Variants in NOS1 observed in about 807,000 individuals in gnomAD.
NOS1 encodes nitric oxide synthase 1.
NOS1 carries 51 observed loss-of-function variants against 164.5 expected under a neutral mutation model. The observed-to-expected ratio is 0.31, with a 90% CI of 0.25 to 0.39. NOS1 has a LOEUF of 0.39. Among genes scored for constraint, NOS1 ranks in the 10% least tolerant of loss-of-function variants. The pLI is 1.00. For synonymous variants in NOS1, 719 were observed against 745.8 expected, an observed-to-expected ratio of 0.96 and a Z score of 0.59; for missense variants, 1,362 against 1,885.6, an observed-to-expected ratio of 0.72 and a Z score of 5.14.
chr12:117,304,392 C>G (rs990910578), intron 3 of NOS1, among the ~76,000 whole-genome samples: 2 of 152,170 alleles, frequency 1.3e-5, no homozygotes, highest in Admixed American at 6.5e-5. Flanking sequence ...TAAACCTTCC[C>G]TGGTATCTAC....
chr12:117,287,730 C>T (rs1426910044), intron 5 of NOS1, among the ~76,000 whole-genome samples: 1 of 152,196 alleles, frequency 6.6e-6, no homozygotes, highest in African/African-American at 2.4e-5. Flanking sequence ...TGAGCCACTG[C>T]ACCTGGTCTC....
chr12:117,259,980 G>A (rs1871756425), intron 14 of NOS1, among the ~76,000 whole-genome samples: 1 of 151,982 alleles, frequency 6.6e-6, no homozygotes, highest in South Asian at 2.1e-4. Flanking sequence ...TTAGCCGAAC[G>A]TGGTGGTGGG....
In NOS1 at chr12:117,211,168, G is replaced by C. The variant is rs1956521443; in HGVS notation, c.*4141C>G. ...GAGTCAGGGTTTCTACTAACTGGCT[G>C]ACTGGTCTCCAACTCCTGACCTCAA... On this transcript the variant is annotated 3_prime_UTR_variant, in exon 29 of 29. Transcript: ENST00000317775. 5.0e-5 allele frequency: 40 copies of C among 803,746 alleles called. No individual in the cohort carries two copies. The highest frequency in any genetic ancestry group is 6.0e-5 in the Non-Finnish European group (40 of 664,248). The allele number at this position is 803,746 out of a possible 1,614,324, so 49.8% of individuals were successfully genotyped here. A position where few individuals can be genotyped will look rare whatever the true frequency, so the allele number is the denominator to read the frequency against.
intron 7 of NOS1, among the ~76,000 whole-genome samples, chr12:117,283,478 T>G (rs566700054): frequency 1.8e-3 from 268 of 152,260 alleles, no homozygotes; most frequent in African/African-American, 6.1e-3. Context: ...CAAAGACCCC[T>G]TAATACAGCA....
rs1357460937 is a variant in NOS1, at chr12:117,218,043, T to G, written c.4289+3A>C. On this transcript the variant is annotated splice_donor_region_variant and intron_variant, in intron 28 of 28. Transcript: ENST00000317775. ...CCCTCACCCAGGGATGGAGCCAGCT[T>G]ACTCATCGGTGTCTTTTTTGCTCTC... is the stretch of plus-strand genomic sequence containing the variant. The G allele has an allele frequency of 1.2e-6, 2 of 1,605,040 alleles. No homozygotes were observed. The highest frequency in any genetic ancestry group is 3.3e-5 in the Admixed American group (2 of 59,994).
Position 117,210,456 on chromosome 12 carries a change from C to T in NOS1, c.*4853G>A, listed in dbSNP as rs1029048369. The T allele has an allele frequency of 1.4e-5, 14 of 985,448 alleles. No homozygotes were observed. Among genetic ancestry groups the T allele is most frequent in the Non-Finnish European group, 1.7e-5 (14 of 829,976 alleles). 61.0% of individuals were successfully genotyped at this position (985,448 alleles called of 1,614,324 possible). A position where few individuals can be genotyped will look rare whatever the true frequency, so the allele number is the denominator to read the frequency against. On this transcript the variant is annotated 3_prime_UTR_variant, in exon 29 of 29. Coordinates refer to ENST00000317775, the MANE Select transcript of NOS1 (RefSeq NM_000620.5). ...GAAGGCTTTGAGGACATGGTGGCCACAGCGGCATGCTGGGTATGTGGGGCA... is the reference window on the plus strand; with the variant it reads ...GAAGGCTTTGAGGACATGGTGGCCATAGCGGCATGCTGGGTATGTGGGGCA...
chr12:117,272,611 G>A lies in NOS1; in HGVS notation c.1665-52C>T. The A allele has an allele frequency of 6.5e-7, 1 of 1,549,642 alleles. No individual in the cohort carries two copies. The stretch of plus-strand genomic sequence containing the variant: ...ACCCGGAGCAGGTGTCTCATGGGCG[G>A]GACAGCTTGAATCTAGAGATGCTGA... On this transcript the variant is annotated intron_variant, in intron 9 of 28. Transcript: ENST00000317775. The surrounding 1 kb of genome is among the most constrained non-coding windows in gnomAD (Gnocchi z 4.3).
intron 2 of NOS1, among the ~76,000 whole-genome samples, chr12:117,312,883 C>A (rs931383613): frequency 6.6e-6 from 1 of 152,084 alleles, no homozygotes; most frequent in African/African-American, 2.4e-5. Flanking sequence ...ATCACCACCA[C>A]CATCACCATC....
intron 1 of NOS1, among the ~76,000 whole-genome samples, chr12:117,334,607 C>T (rs1174815791): frequency 6.6e-6 from 1 of 152,102 alleles, no homozygotes; most frequent in Non-Finnish European, 1.5e-5. Flanking sequence ...GTTGGACAGG[C>T]TGGTCTCGAA....
intron 1 of NOS1, among the ~76,000 whole-genome samples, chr12:117,349,706 T>G (rs1330655953): frequency 6.6e-6 from 1 of 152,184 alleles, no homozygotes; most frequent in Non-Finnish European, 1.5e-5. Flanking sequence ...AGCAAGTACA[T>G]GAAGAACATT....
At chr12:117,227,984 T>A (rs1457660180) in intron 22 of NOS1, among the ~76,000 whole-genome samples, 1 of 151,350 alleles carries the variant, frequency 6.6e-6, no homozygotes, top group African/African-American at 2.4e-5. Flanking sequence ...TGAGCTATGA[T>A]CATGCCACTG....
At chr12:117,360,654 A>T (rs1877095973) in intron 1 of NOS1, among the ~76,000 whole-genome samples, 1 of 152,098 alleles carries the variant, frequency 6.6e-6, no homozygotes, top group South Asian at 2.1e-4. Context: ...CCGGGAGCGG[A>T]GCCCTCCCAG....
At chr12:117,336,333 T>C (rs1341217038) in intron 1 of NOS1, among the ~76,000 whole-genome samples, 1 of 152,176 alleles carries the variant, frequency 6.6e-6, no homozygotes, top group African/African-American at 2.4e-5. Context: ...GCCTATCTAG[T>C]CTAGCTTCCT....
chr12:117,210,461 G>T lies in NOS1; in HGVS notation c.*4848C>A. Reference sequence around the variant, plus strand: ...CTTTGAGGACATGGTGGCCACAGCGGCATGCTGGGTATGTGGGGCAGCGGG... The same window carrying T: ...CTTTGAGGACATGGTGGCCACAGCGTCATGCTGGGTATGTGGGGCAGCGGG... On this transcript the variant is annotated 3_prime_UTR_variant, in exon 29 of 29. Coordinates refer to ENST00000317775, the MANE Select transcript of NOS1 (RefSeq NM_000620.5). 1.0e-6 allele frequency: 1 copy of T among 985,460 alleles called. No homozygotes were observed. Among genetic ancestry groups the T allele is most frequent in the Non-Finnish European group, 1.2e-6 (1 of 829,990 alleles). The allele number at this position is 985,460 out of a possible 1,614,324, so 61.0% of individuals were successfully genotyped here.
rs1870276120 is a variant in NOS1, at chr12:117,242,610, A to T, written c.3041+17T>A. ...GGGAGAAGACGTAGGTAACCCAGTG[A>T]ACCAAGATGTTCCTACCTGGATTTA... On this transcript the variant is annotated intron_variant, in intron 20 of 28. Transcript: ENST00000317775. 1 of 1,610,268 alleles carries T rather than the reference A, an allele frequency of 6.2e-7. No individual in the cohort carries two copies. The highest frequency in any genetic ancestry group is 1.7e-5 in the Admixed American group (1 of 59,998).
chr12:117,300,140 G>A (rs986855280), intron 3 of NOS1, among the ~76,000 whole-genome samples: 11 of 152,292 alleles, frequency 7.2e-5, no homozygotes, highest in African/African-American at 2.2e-4. Context: ...CTGTTGACCT[G>A]TAAGAGCCTC....
chr12:117,226,894 G>A lies in NOS1; in HGVS notation c.3617-124C>T, dbSNP rs185457607. The A allele has an allele frequency of 5.3e-4, 392 of 734,894 alleles. 3 individuals are homozygous for A. The highest frequency in any genetic ancestry group is 9.5e-5 in the Non-Finnish European group (40 of 422,792). 45.5% of individuals were successfully genotyped at this position (734,894 alleles called of 1,614,324 possible). On this transcript the variant is annotated intron_variant, in intron 23 of 28. Coordinates refer to ENST00000317775, the MANE Select transcript of NOS1 (RefSeq NM_000620.5). ...TTTATCCTTTGGAATTCCTCCCCAG[G>A]ATCCCTTCCTCTGAAGGGCAAGAGG...
chr12:117,261,104 G>C (rs1359627001), intron 13 of NOS1, among the ~76,000 whole-genome samples: 1 of 148,950 alleles, frequency 6.7e-6, no homozygotes, highest in Non-Finnish European at 1.5e-5. Context: ...AGGAGGTGGA[G>C]GTTGCAGTGA....
At chr12:117,305,980 C>T (rs146945620) in intron 3 of NOS1, among the ~76,000 whole-genome samples, 12 of 152,038 alleles carry the variant, frequency 7.9e-5, no homozygotes, top group South Asian at 4.2e-4. Flanking sequence ...TTAGTAGAGA[C>T]GGAGTTTCAC....
Sources: gnomAD v4.1 joint callset for allele counts (sites outside exome capture counted in the v4.1 genomes callset) on GRCh38, gnomAD v4.1.1 for gene constraint, Gnocchi (gnomAD v3.1) non-coding constraint, MANE v1.5 for transcripts, NCBI Gene and HGNC (gene_info 2026-07-23, HGNC 2026-07-21) for gene names.